The following ANAPC15 variants were observed in gnomAD, a reference collection of about 807,000 sequenced individuals.
ANAPC15 encodes anaphase promoting complex subunit 15.
Under a neutral mutation model 19.8 loss-of-function variants are expected in ANAPC15, and 13 were observed. That is an observed-to-expected ratio of 0.66 (90% CI 0.43 to 1.04). The LOEUF is 1.04. Ranked by LOEUF, ANAPC15 falls within the 50% of genes least tolerant of loss-of-function variation. The probability of loss-of-function intolerance (pLI) is 0.00; values close to 1 mark genes in which losing one functional copy is unlikely to be tolerated. For missense variants in ANAPC15, 88 were observed against 150.3 expected (o/e 0.59, Z 2.17); for synonymous variants, 45 against 50.7 (o/e 0.89, Z 0.47).
downstream of ANAPC15, chr11:72,107,125 G>A: frequency 2.9e-6 from 1 of 348,800 alleles, no homozygotes; most frequent in Non-Finnish European, 5.1e-6. Context: ...AAATTAGCCG[G>A]GTGTGGTGGT....
downstream of ANAPC15, chr11:72,109,449 A>G: frequency 2.4e-6 from 1 of 413,204 alleles, no homozygotes; most frequent in East Asian, 7.2e-5. Context: ...AGGGCCAGGG[A>G]TGCCCTGGCC....
At chr11:72,106,942 A>G (rs1276353848), downstream of ANAPC15, 1 of 102,388 alleles carries the variant, frequency 9.8e-6, no homozygotes, top group Non-Finnish European at 1.7e-5. Flanking sequence ...ACCTGTCTCA[A>G]AAAAAAAAAA....
chr11:72,108,803 C>T (rs370168246), downstream of ANAPC15: 42 of 1,550,572 alleles, frequency 2.7e-5, no homozygotes, highest in Middle Eastern at 1.7e-4. Context: ...TGGTGCACCC[C>T]GCTTCTTGCA....
chr11:72,109,655 T>C lies in ANAPC15; in HGVS notation c.*226A>G. On this transcript the variant is annotated 3_prime_UTR_variant, in exon 6 of 6. Coordinates refer to ENST00000227618, the MANE Select transcript of ANAPC15 (RefSeq NM_014042.3). ...ACCTGGCAATCAAGGGGTGAGGTACTGGCCAGGAAGGTGGAGTAGGTTTCA... is the reference window on the plus strand; with the variant it reads ...ACCTGGCAATCAAGGGGTGAGGTACCGGCCAGGAAGGTGGAGTAGGTTTCA... The C allele has an allele frequency of 1.6e-6, 1 of 609,128 alleles. No individual in the cohort carries two copies. The highest frequency in any genetic ancestry group is 1.8e-5 in the African/African-American group (1 of 54,110). 37.7% of individuals were successfully genotyped at this position (609,128 alleles called of 1,614,324 possible).
downstream of ANAPC15, chr11:72,108,859 T>C (rs1297525325): frequency 6.4e-7 from 1 of 1,550,492 alleles, no homozygotes; most frequent in Non-Finnish European, 8.7e-7. Context: ...TCCACCACAC[T>C]GGCCTTCCAG....
chr11:72,107,175 G>A, downstream of ANAPC15: 1 of 467,606 alleles, frequency 2.1e-6, no homozygotes, highest in Admixed American at 4.1e-5. Context: ...GCTGAGGTGG[G>A]AGGATTGCCT....
downstream of ANAPC15, chr11:72,107,888 C>T: frequency 6.4e-7 from 1 of 1,550,764 alleles, no homozygotes; most frequent in Non-Finnish European, 8.7e-7. Context: ...GCATCCATCT[C>T]CCATGTCTTC....
At chr11:72,111,871 G>C (rs1313117085) in intron 1 of ANAPC15, 2 of 153,246 alleles carry the variant, frequency 1.3e-5, no homozygotes, top group African/African-American at 4.8e-5. Flanking sequence ...CATTCTAGGA[G>C]GCATGAATAA....
At chr11:72,108,012 G>T, downstream of ANAPC15, 1 of 1,551,640 alleles carries the variant, frequency 6.4e-7, no homozygotes, top group Non-Finnish European at 8.7e-7. Context: ...CCTGCTTATT[G>T]CCCGAGCCCT....
At chr11:72,111,124 G>C (rs1469233459) in intron 3 of ANAPC15, 33 bp downstream of exon 3, 14 of 1,419,868 alleles carry the variant, frequency 9.9e-6, no homozygotes, top group Non-Finnish European at 1.4e-5. Flanking sequence ...TGTCTGTGCT[G>C]AGGTCTCTGT....
downstream of ANAPC15, chr11:72,108,462 A>T: frequency 3.0e-6 from 2 of 673,018 alleles, no homozygotes; most frequent in South Asian, 2.7e-5. Context: ...CTGACTTCTT[A>T]GGTTCTGAGG....
downstream of ANAPC15, chr11:72,108,654 C>G (rs1945986271): frequency 6.6e-7 from 1 of 1,517,906 alleles, no homozygotes; most frequent in Non-Finnish European, 8.9e-7. Flanking sequence ...TGCCTACGCA[C>G]CCAGTATCAG....
rs2135232214 is a variant in ANAPC15 at position 72,109,820 on chromosome 11, T to C, written c.*61A>G. On this transcript the variant is annotated 3_prime_UTR_variant, in exon 6 of 6. Coordinates refer to ENST00000227618, the MANE Select transcript of ANAPC15 (RefSeq NM_014042.3). ...GGTTCTGTGGGCAGGGGTTGGGGGT[T>C]GGGATGCAGGGTAGTTTGGGCTGGC... 6.2e-7 allele frequency: 1 copy of C among 1,602,812 alleles called. No homozygotes were observed. Among genetic ancestry groups the C allele is most frequent in the Non-Finnish European group, 8.5e-7 (1 of 1,171,462 alleles).
In ANAPC15 at chr11:72,109,899, C is replaced by T. The variant is rs1474331559; in HGVS notation, c.348G>A (p.Gln116=). 1 of 1,614,024 alleles carries T rather than the reference C, an allele frequency of 6.2e-7. No homozygotes were observed. Among genetic ancestry groups the T allele is most frequent in the Admixed American group, 1.7e-5 (1 of 60,032 alleles). The part of the protein sequence containing the change: ...EVDMEGNEQD[Q]DQWMI ...TGTCTACCTAGATCATCCACTGGTC[C>T]TGATCCTGTTCGTTGCCTTCCATGT... Residue 116 remains glutamine (Q), a synonymous_variant, in exon 6 of 6, where the codon CAG becomes CAA. Transcript: ENST00000227618.
intron 1 of ANAPC15, 136 bp downstream of exon 1, chr11:72,112,514 T>A: frequency 3.1e-6 from 1 of 318,372 alleles, no homozygotes; most frequent in South Asian, 2.3e-5. Flanking sequence ...AAGCGGCCAA[T>A]GAGCTGGAGC....
downstream of ANAPC15, chr11:72,107,880 A>T: frequency 6.5e-7 from 1 of 1,548,716 alleles, no homozygotes; most frequent in Non-Finnish European, 8.7e-7. Flanking sequence ...GGGGCCCTGC[A>T]TCCATCTCCC....
downstream of ANAPC15, chr11:72,107,280 T>G: frequency 1.7e-6 from 1 of 601,142 alleles, no homozygotes; most frequent in Non-Finnish European, 3.0e-6. Flanking sequence ...AATAAATAAA[T>G]AAAAGTTCAT....
chr11:72,111,532 CAA>C (rs1230708326), intron 1 of ANAPC15, 36 bp from the exon 2 acceptor site: 1 of 346,582 alleles, frequency 2.9e-6, no homozygotes, highest in East Asian at 5.6e-5. Flanking sequence ...ATACCACTGT[CAA>C]AGTTATTCTG....
At chr11:72,110,350 C>A (rs962791943) in intron 4 of ANAPC15, 125 bp from the exon 5 acceptor site, 203 of 1,567,472 alleles carry the variant, frequency 1.3e-4, no homozygotes, top group South Asian at 1.6e-4. Flanking sequence ...CTCCTTGAGT[C>A]TAGCAGGCTG....
Sources: gnomAD v4.1 joint callset for allele counts on GRCh38, gnomAD v4.1.1 for gene constraint, MANE v1.5 for transcripts, NCBI Gene and HGNC (gene_info 2026-07-23, HGNC 2026-07-21) for gene names.